The following CNTN5 variants were observed in gnomAD, a reference collection of about 807,000 sequenced individuals.
CNTN5 encodes contactin 5, also known as contactin-5.
CNTN5 carries 77 observed loss-of-function variants against 129.1 expected under a neutral mutation model. The observed-to-expected ratio is 0.60, with a 90% CI of 0.50 to 0.72. The LOEUF (loss-of-function observed/expected upper bound fraction) is 0.72, where lower values mean the gene tolerates loss of function less well. Ranked by LOEUF, CNTN5 falls within the 30% of genes least tolerant of loss-of-function variation. The pLI, the probability that CNTN5 is intolerant of heterozygous loss-of-function variation, is 0.00. For missense variants in CNTN5, 1,478 were observed against 1,328.8 expected (o/e 1.11, Z -1.75); for synonymous variants, 509 against 465.6 (o/e 1.09, Z -1.20).
chr11:99,302,622 T>C (rs1591492906), intron 1 of CNTN5, among the ~76,000 whole-genome samples: 1 of 145,164 alleles, frequency 6.9e-6, no homozygotes, highest in Non-Finnish European at 1.5e-5. Flanking sequence ...ACCACTTAAA[T>C]AATTGTCTTT....
chr11:99,361,278 G>A (rs753830182), intron 2 of CNTN5, among the ~76,000 whole-genome samples: 16 of 151,860 alleles, frequency 1.1e-4, no homozygotes, highest in African/African-American at 1.7e-4. Context: ...TTTAAAATTC[G>A]TCCAGCCTCT....
chr11:99,610,856 A>C (rs1183987379), intron 3 of CNTN5, among the ~76,000 whole-genome samples: 1 of 152,196 alleles, frequency 6.6e-6, no homozygotes, highest in East Asian at 1.9e-4. Flanking sequence ...TGGTTTCAGA[A>C]GCAAAAGAGA....
At chr11:100,295,286 A>G (rs1951078575) in intron 18 of CNTN5, among the ~76,000 whole-genome samples, 1 of 151,516 alleles carries the variant, frequency 6.6e-6, no homozygotes, top group Admixed American at 6.6e-5. Flanking sequence ...CAAGTAGTAA[A>G]ACAAATGTTT....
chr11:99,551,101 A>T (rs1347536468), intron 2 of CNTN5, among the ~76,000 whole-genome samples: 1 of 152,150 alleles, frequency 6.6e-6, no homozygotes, highest in East Asian at 1.9e-4. Context: ...CTTTAAATAA[A>T]TTTAAAGTTG....
At chr11:99,048,789 C>T (rs1864313495) in intron 1 of CNTN5, among the ~76,000 whole-genome samples, 1 of 152,090 alleles carries the variant, frequency 6.6e-6, no homozygotes, top group Non-Finnish European at 1.5e-5. Context: ...TGAATACTGC[C>T]ATTTTGGCAT....
chr11:99,981,077 G>GAGATATATATATAT (rs1555171289), intron 8 of CNTN5, among the ~76,000 whole-genome samples: 160 of 57,584 alleles, frequency 2.8e-3, no homozygotes, highest in East Asian at 0.011. Context: ...GAGCCAATAG[G>GAGATATATATATAT]ATATATATAT....
chr11:99,856,053 G>T (rs1948024711), intron 6 of CNTN5, among the ~76,000 whole-genome samples: 2 of 152,154 alleles, frequency 1.3e-5, no homozygotes, highest in South Asian at 4.1e-4. Context: ...GAAGTAAGAG[G>T]ATAACAATTC....
intron 8 of CNTN5, among the ~76,000 whole-genome samples, chr11:99,958,993 G>T (rs1004826185): frequency 6.6e-6 from 1 of 152,034 alleles, no homozygotes; most frequent in African/African-American, 2.4e-5. Context: ...TTGCACTTTT[G>T]GTTCATGGCC....
At chr11:99,645,692 A>C (rs189225247) in intron 3 of CNTN5, among the ~76,000 whole-genome samples, 25 of 152,178 alleles carry the variant, frequency 1.6e-4, no homozygotes, top group Admixed American at 4.6e-4. Context: ...GGAAACTAAC[A>C]CAGGAACAGA....
intron 1 of CNTN5, among the ~76,000 whole-genome samples, chr11:99,029,720 C>G (rs186085620): frequency 2.8e-4 from 42 of 152,176 alleles, no homozygotes; most frequent in African/African-American, 8.2e-4. Flanking sequence ...CTAAGATAAA[C>G]TGAAAAAATT....
At chr11:100,028,649 C>A (rs796586973) in intron 9 of CNTN5, among the ~76,000 whole-genome samples, 1 of 152,290 alleles carries the variant, frequency 6.6e-6, no homozygotes, top group African/African-American at 2.4e-5. Context: ...ATAAACCTCT[C>A]TCTGCTGCCC....
chr11:99,132,323 A>G (rs1056756706), intron 1 of CNTN5, among the ~76,000 whole-genome samples: 4 of 152,180 alleles, frequency 2.6e-5, no homozygotes, highest in Admixed American at 6.5e-5. Context: ...AGCTGGAAGC[A>G]TTCCCTTTGA....
intron 1 of CNTN5, among the ~76,000 whole-genome samples, chr11:99,139,231 C>T (rs12799983): frequency 1.3e-5 from 2 of 152,012 alleles, no homozygotes; most frequent in Admixed American, 6.6e-5. Context: ...TGTACCACTG[C>T]ACTTCACTTC....
chr11:100,060,224 A>G (rs1565202259), intron 9 of CNTN5, among the ~76,000 whole-genome samples: 3 of 151,772 alleles, frequency 2.0e-5, no homozygotes, highest in Non-Finnish European at 4.4e-5. Flanking sequence ...TTAAAAAAAA[A>G]AAAAAAAGAA....
chr11:99,124,051 C>A (rs1858496395), intron 1 of CNTN5, among the ~76,000 whole-genome samples: 1 of 151,780 alleles, frequency 6.6e-6, no homozygotes, highest in African/African-American at 2.4e-5. Flanking sequence ...TATTTATTGT[C>A]CTAATTCTGT....
chr11:99,342,097 T>C (rs1191854494), intron 2 of CNTN5, among the ~76,000 whole-genome samples: 1 of 152,190 alleles, frequency 6.6e-6, no homozygotes, highest in Admixed American at 6.5e-5. Context: ...GCTGATCTTT[T>C]CCATATTTAA....
chr11:99,274,257 A>G (rs940455566), intron 1 of CNTN5, among the ~76,000 whole-genome samples: 2 of 151,758 alleles, frequency 1.3e-5, no homozygotes, highest in African/African-American at 4.8e-5. Context: ...TAAGATCCCT[A>G]ATTTGAATCT....
chr11:99,070,385 T>G (rs995237399), intron 1 of CNTN5, among the ~76,000 whole-genome samples: 3 of 152,112 alleles, frequency 2.0e-5, no homozygotes, highest in Admixed American at 6.5e-5. Flanking sequence ...GAAAATAATT[T>G]TAAATGGTTT....
intron 2 of CNTN5, among the ~76,000 whole-genome samples, chr11:99,376,278 A>G (rs916558930): frequency 6.6e-6 from 1 of 152,138 alleles, no homozygotes; most frequent in Non-Finnish European, 1.5e-5. Flanking sequence ...GGCTTAAAAC[A>G]ATAGACATGT....
Sources: allele counts gnomAD v4.1 joint callset (sites outside exome capture counted in the v4.1 genomes callset), GRCh38; gene constraint gnomAD v4.1.1; transcripts MANE v1.5; gene names NCBI Gene and HGNC (gene_info 2026-07-23, HGNC 2026-07-21).